Variants in FNTA observed in about 807,000 individuals in gnomAD.
FNTA encodes farnesyltransferase, CAAX box, subunit alpha.
FNTA carries 27 observed loss-of-function variants against 55.2 expected under a neutral mutation model. That is an observed-to-expected ratio of 0.49 (90% CI 0.36 to 0.67). The LOEUF (loss-of-function observed/expected upper bound fraction) is 0.67. Ranked by LOEUF, FNTA falls within the 30% of genes least tolerant of loss-of-function variation. The pLI is 0.00. For missense variants in FNTA, 422 were observed against 464.7 expected (o/e 0.91, Z 0.85); for synonymous variants, 176 against 170.7 (o/e 1.03, Z -0.24).
At chr8:43,061,845 G>T (rs1451712213) in intron 2 of FNTA, among the ~76,000 whole-genome samples, 1 of 151,858 alleles carries the variant, frequency 6.6e-6, no homozygotes, top group Non-Finnish European at 1.5e-5. Flanking sequence ...TCAGCCGCCC[G>T]AGTAGCTGGG....
chr8:43,071,396 C>T (rs1289275767), intron 4 of FNTA, among the ~76,000 whole-genome samples: 2 of 152,204 alleles, frequency 1.3e-5, no homozygotes, highest in Non-Finnish European at 2.9e-5. Flanking sequence ...CCTGGCCGGG[C>T]GCGGTGGCTC....
rs751135439 is a variant in FNTA, at chr8:43,085,264, A to C, written c.1122A>C (p.Pro374=). Residue 374 remains proline, a synonymous_variant, in exon 9 of 9, where the codon CCA becomes CCC. Coordinates refer to ENST00000302279, the MANE Select transcript of FNTA (RefSeq NM_002027.3). The part of the protein sequence containing the change: ...QSKHSTENDS[P]TNVQQ ...AACACAGCACAGAAAATGACTCACC[A>C]ACAAATGTACAGCAATAACACCATC... The C allele has an allele frequency of 6.2e-7, 1 of 1,607,666 alleles. No individual in the cohort carries two copies. Among genetic ancestry groups the C allele is most frequent in the South Asian group, 1.1e-5 (1 of 89,702 alleles).
chr8:43,062,576 A>C (rs1461271765), intron 2 of FNTA, among the ~76,000 whole-genome samples: 1 of 152,058 alleles, frequency 6.6e-6, no homozygotes, highest in African/African-American at 2.4e-5. Context: ...GCCACTGCTC[A>C]AATTCAACTT....
At chr8:43,080,941 C>A (rs1424803683) in intron 6 of FNTA, 1 of 152,124 alleles carries the variant, frequency 6.6e-6, no homozygotes, top group African/African-American at 2.4e-5. Context: ...GAAATAATTA[C>A]CCAAGAATCT....
chr8:43,065,545 C>CCTGAATATTCTTT (rs1563326682), intron 3 of FNTA, among the ~76,000 whole-genome samples: 5 of 151,752 alleles, frequency 3.3e-5, no homozygotes, highest in African/African-American at 1.2e-4. Context: ...CTGTGCACGG[C>CCTGAATATTCTTT]TGCTGACCCA....
chr8:43,077,322 C>A lies in FNTA; in HGVS notation c.740C>A (p.Thr247Asn). Residue 247 changes from threonine to asparagine, a missense_variant, in exon 6 of 9, where the codon ACC (threonine) becomes AAC (asparagine). Around this residue, in one of 2 missense-constraint regions of FNTA, gnomAD observed 262 missense variants for 343.1 expected, o/e 0.76. Coordinates refer to ENST00000302279, the MANE Select transcript of FNTA (RefSeq NM_002027.3). ...WNQRYFVISN[T>N]TGYNDRAVLE... ...CAAAGATACTTCGTTATTTCTAACA[C>A]CACTGGCTACAATGATCGTGCTGTA... 1 of 1,612,952 alleles carries A rather than the reference C, an allele frequency of 6.2e-7. No homozygotes were observed. The highest frequency in any genetic ancestry group is 2.2e-5 in the East Asian group (1 of 44,846).
In FNTA at chr8:43,064,843, TA is replaced by T. The variant is rs1445503240; in HGVS notation, c.401+629del. Among the ~76,000 whole-genome samples the T allele has an allele frequency of 2.2e-4, 34 of 151,602 alleles. 1 individual carries two copies. In the East Asian group the frequency reaches 3.3e-3, roughly 15 times the overall value. ...TTATTTTATTTTATATTTTTACTTT[TA>T]TTTTTTTTTTTTGAGATGGAGTCTT... On this transcript the variant is annotated intron_variant, in intron 3 of 8. Transcript: ENST00000302279.
chr8:43,077,404 G>A, intron 6 of FNTA, 40 bp downstream of exon 6: 1 of 1,540,740 alleles, frequency 6.5e-7, no homozygotes, highest in Non-Finnish European at 8.9e-7. Context: ...TTACAAACAT[G>A]TTTGCATGCC....
At chr8:43,079,473 T>G (rs1443281839) in intron 6 of FNTA, 1 of 153,450 alleles carries the variant, frequency 6.5e-6, no homozygotes, top group Admixed American at 6.5e-5. Context: ...GCACATCTGT[T>G]TACAGCATGG....
intron 2 of FNTA, among the ~76,000 whole-genome samples, chr8:43,060,790 A>G (rs1250740170): frequency 1.3e-5 from 2 of 152,224 alleles, no homozygotes; most frequent in Non-Finnish European, 2.9e-5. Flanking sequence ...ATATCAATTT[A>G]AAACTTACAC....
At chr8:43,071,364 G>A (rs957056850) in intron 4 of FNTA, among the ~76,000 whole-genome samples, 2 of 152,018 alleles carry the variant, frequency 1.3e-5, no homozygotes, top group Non-Finnish European at 2.9e-5. Context: ...AAATCCTTAA[G>A]TATTTTCCTA....
chr8:43,081,543 C>T (rs1487900116), intron 6 of FNTA: 1 of 152,132 alleles, frequency 6.6e-6, no homozygotes, highest in Non-Finnish European at 1.5e-5. Flanking sequence ...GCAGCCTGAC[C>T]TCAAAGTTCA....
chr8:43,066,614 T>G (rs1586655657), intron 3 of FNTA, among the ~76,000 whole-genome samples: 1 of 75,166 alleles, frequency 1.3e-5, no homozygotes, highest in Non-Finnish European at 3.2e-5. Context: ...GTGTGTGTGT[T>G]TAATTTCATG....
chr8:43,079,407 AT>A (rs1305821189), intron 6 of FNTA: 4 of 154,678 alleles, frequency 2.6e-5, no homozygotes, highest in Non-Finnish European at 5.8e-5. Flanking sequence ...CTTAAGAATT[AT>A]GCTGAATCTC....
At chr8:43,060,890 G>A (rs548093184) in intron 2 of FNTA, among the ~76,000 whole-genome samples, 3 of 152,002 alleles carry the variant, frequency 2.0e-5, no homozygotes, top group Non-Finnish European at 4.4e-5. Context: ...AAACTGAGAC[G>A]TTTTTACAAC....
Position 43,072,246 on chromosome 8 carries a change from A to T in FNTA, c.572A>T (p.Asp191Val). The T allele has an allele frequency of 6.3e-7, 1 of 1,591,686 alleles. No homozygotes were observed. Among genetic ancestry groups the T allele is most frequent in the Non-Finnish European group, 8.6e-7 (1 of 1,168,228 alleles). Residue 191 changes from aspartate (D) to valine (V), a missense_variant, in exon 5 of 9, where the codon GAT becomes GTT. By Grantham distance (152) the Asp-to-Val change is radical. Transcript: ENST00000302279. The stretch of plus-strand genomic sequence containing the variant: ...TCTCAGGAGCTTGAATTTATTGCTG[A>T]TATTCTTAATCAGGATGCAAAGAAT... ...DPSQELEFIA[D>V]ILNQDAKNYH...
At chr8:43,069,763 G>C in intron 4 of FNTA, 104 bp downstream of exon 4, 1 of 683,052 alleles carries the variant, frequency 1.5e-6, no homozygotes. Context: ...TCCAGCTTCA[G>C]CCTCCTGGGT....
At chr8:43,063,241 C>T (rs1464058385) in intron 2 of FNTA, 21 of 455,506 alleles carry the variant, frequency 4.6e-5, no homozygotes, top group Admixed American at 1.4e-4. Flanking sequence ...TCACCACGCC[C>T]GATTAATTTC....
At chr8:43,061,022 G>A (rs188999421) in intron 2 of FNTA, among the ~76,000 whole-genome samples, 34 of 152,282 alleles carry the variant, frequency 2.2e-4, no homozygotes, top group Middle Eastern at 3.4e-3. Context: ...AAGAATGACA[G>A]GTTAAAATGA....
Sources: gnomAD v4.1 joint callset for allele counts (sites outside exome capture counted in the v4.1 genomes callset) on GRCh38, gnomAD v4.1.1 for gene constraint, gnomAD v4.1.1 regional missense constraint, MANE v1.5 for transcripts, NCBI Gene and HGNC (gene_info 2026-07-23, HGNC 2026-07-21) for gene names.